The following SYT9 variants were observed in gnomAD, a reference collection of about 807,000 sequenced individuals.
SYT9 encodes synaptotagmin 9, also known as synaptotagmin-9.
SYT9 carries 22 observed loss-of-function variants against 48.4 expected under a neutral mutation model. The observed-to-expected ratio is 0.45, with a 90% CI of 0.32 to 0.65. The LOEUF is 0.65. Ranked by LOEUF, SYT9 falls within the 30% of genes least tolerant of loss-of-function variation. SYT9 has a pLI of 0.03. For synonymous variants in SYT9, 265 were observed against 245.0 expected, an observed-to-expected ratio of 1.08 and a Z score of -0.76; for missense variants, 577 against 622.0, an observed-to-expected ratio of 0.93 and a Z score of 0.77.
chr11:7,456,037 A>C (rs12791627), intron 6 of SYT9, among the ~76,000 whole-genome samples: 1 of 152,182 alleles, frequency 6.6e-6, no homozygotes, highest in East Asian at 1.9e-4. Context: ...ATTTGGAATG[A>C]AGTACTCCCT....
chr11:7,417,754 T>G (rs1847279185), intron 4 of SYT9, among the ~76,000 whole-genome samples: 1 of 152,234 alleles, frequency 6.6e-6, no homozygotes, highest in Admixed American at 6.5e-5. Context: ...GACAGTATCC[T>G]GTGCTTTTTC....
rs1443611021 is a variant in SYT9, at chr11:7,252,463, G to C, written c.145+132G>C. The C allele has an allele frequency of 1.9e-6, 2 of 1,035,090 alleles. No homozygotes were observed. Among genetic ancestry groups the C allele is most frequent in the Non-Finnish European group, 2.5e-6 (2 of 785,406 alleles). 64.1% of individuals were successfully genotyped at this position (1,035,090 alleles called of 1,614,324 possible). The stretch of plus-strand genomic sequence containing the variant: ...GGGGCGGCCACCGAGCCAGGAGAGT[G>C]ATCAAGAACCAGCGCACTGTGGCCT... On this transcript the variant is annotated intron_variant, in intron 1 of 6. Coordinates refer to ENST00000318881, the MANE Select transcript of SYT9 (RefSeq NM_175733.4). This position sits in a 1 kb window ranked among gnomAD's most constrained non-coding sequence, Gnocchi z 6.3.
chr11:7,416,107 C>T lies in SYT9; in HGVS notation c.1110C>T (p.Thr370=). 6.2e-7 allele frequency: 1 copy of T among 1,614,124 alleles called. No individual in the cohort carries two copies. ...ATCTTCCAACGGCTGGCAGGCTGACCATTACCATTATAAAAGCAAGGAATT... is the reference window on the plus strand; with the variant it reads ...ATCTTCCAACGGCTGGCAGGCTGACTATTACCATTATAAAAGCAAGGAATT... ...LCYLPTAGRL[T]ITIIKARNLK... The change falls in exon 4 of 7, where the codon ACC becomes ACT. Residue 370 remains threonine (T), a synonymous_variant. Transcript: ENST00000318881.
At chr11:7,265,191 C>T (rs10839753) in intron 1 of SYT9, among the ~76,000 whole-genome samples, 98,396 of 151,928 alleles carry the variant, frequency 0.65, 32,265 homozygotes, top group South Asian at 0.72. Context: ...AGGTTTACCA[C>T]AGGAAGTCAA....
intron 3 of SYT9, among the ~76,000 whole-genome samples, chr11:7,398,412 CTTTT>C (rs71059106): frequency 7.9e-6 from 1 of 125,832 alleles, no homozygotes. Flanking sequence ...GTTTTCTTTT[CTTTT>C]TTTTTTTTTT....
chr11:7,466,916 A>G lies in SYT9; in HGVS notation c.*116A>G, dbSNP rs1293058758. ...AGACGATTTCAGTGACCAAATGCTC[A>G]GCTGTAACCACAGCACTAACTGGCC... On this transcript the variant is annotated 3_prime_UTR_variant, in exon 7 of 7. Transcript: ENST00000318881. 2 of 1,295,050 alleles carry G rather than the reference A, an allele frequency of 1.5e-6. No homozygotes were observed. Among genetic ancestry groups the G allele is most frequent in the Admixed American group, 1.9e-5 (1 of 51,994 alleles). 80.2% of individuals were successfully genotyped at this position (1,295,050 alleles called of 1,614,324 possible).
intron 3 of SYT9, among the ~76,000 whole-genome samples, chr11:7,393,294 GTT>G (rs56387246): frequency 4.4e-3 from 623 of 141,522 alleles, no homozygotes; most frequent in East Asian, 0.012. Context: ...GTTTGTTGAG[GTT>G]TTTTTTTTTT....
intron 6 of SYT9, among the ~76,000 whole-genome samples, chr11:7,447,611 T>A (rs1283907873): frequency 6.6e-6 from 1 of 152,248 alleles, no homozygotes; most frequent in Non-Finnish European, 1.5e-5. Context: ...TTGTGTTGGT[T>A]TTACTGAATC....
chr11:7,244,780 C>A (rs984685754), intron 1 of SYT9, among the ~76,000 whole-genome samples: 15 of 152,134 alleles, frequency 9.9e-5, no homozygotes, highest in African/African-American at 3.6e-4. Context: ...TCCCAAAGTA[C>A]GGAATCTAGC....
At chr11:7,274,888 C>T (rs781560605) in intron 1 of SYT9, among the ~76,000 whole-genome samples, 3 of 152,138 alleles carry the variant, frequency 2.0e-5, no homozygotes, top group African/African-American at 7.2e-5. Flanking sequence ...CTCATGGCCA[C>T]GTTCCTCAGT....
At chr11:7,432,585 ATATATAC>A (rs1847622843) in intron 6 of SYT9, among the ~76,000 whole-genome samples, 37 of 2,652 alleles carry the variant, frequency 0.014, 5 homozygotes, top group East Asian at 0.021. Context: ...AAAAAAAAAT[ATATATAC>A]ATATATATAT....
intron 1 of SYT9, among the ~76,000 whole-genome samples, chr11:7,286,843 G>T (rs1407966078): frequency 1.3e-5 from 2 of 152,082 alleles, no homozygotes; most frequent in African/African-American, 2.4e-5. Context: ...CCTCAGCCTG[G>T]ACTTCATTGT....
At chr11:7,383,170 G>T (rs1369820611) in intron 3 of SYT9, among the ~76,000 whole-genome samples, 1 of 152,176 alleles carries the variant, frequency 6.6e-6, no homozygotes, top group Non-Finnish European at 1.5e-5. Context: ...TGGACCATCA[G>T]TGTGATTATT....
chr11:7,251,991 G>A lies in SYT9; in HGVS notation c.-196G>A, dbSNP rs1020813725. The A allele has an allele frequency of 1.4e-5, 7 of 502,206 alleles. No individual in the cohort carries two copies. The highest frequency in any genetic ancestry group is 2.3e-5 in the Non-Finnish European group (7 of 306,512). 31.1% of individuals were successfully genotyped at this position (502,206 alleles called of 1,614,324 possible). On this transcript the variant is annotated 5_prime_UTR_variant, in exon 1 of 7. Transcript: ENST00000318881. ...GAGAGAGAGAAAGCCTGACCGACCG[G>A]CTGGCGAAGAGCTGCATGCAACCGG...
chr11:7,265,972 C>T (rs1439592830), intron 1 of SYT9, among the ~76,000 whole-genome samples: 1 of 152,068 alleles, frequency 6.6e-6, no homozygotes, highest in Non-Finnish European at 1.5e-5. Flanking sequence ...AGCCAATATG[C>T]TCACTTCTTG....
intron 5 of SYT9, among the ~76,000 whole-genome samples, chr11:7,420,190 C>G (rs185237581): frequency 1.3e-5 from 2 of 152,244 alleles, no homozygotes; most frequent in Admixed American, 1.3e-4. Flanking sequence ...TCAGATGACT[C>G]CCTCTTTATT....
At chr11:7,465,985 G>A (rs1186729931) in intron 6 of SYT9, 1 of 152,750 alleles carries the variant, frequency 6.5e-6, no homozygotes, top group Non-Finnish European at 1.5e-5. Flanking sequence ...AAGTCTGGGA[G>A]GTACAACTCA....
intron 3 of SYT9, among the ~76,000 whole-genome samples, chr11:7,366,333 T>A (rs1042441294): frequency 1.4e-4 from 21 of 152,340 alleles, no homozygotes; most frequent in African/African-American, 5.0e-4. Flanking sequence ...TGTTGGTGTA[T>A]GTACTTGAGG....
intron 1 of SYT9, among the ~76,000 whole-genome samples, chr11:7,258,753 T>A (rs1412155334): frequency 6.6e-6 from 1 of 152,106 alleles, no homozygotes; most frequent in Non-Finnish European, 1.5e-5. Context: ...AAATAAATGA[T>A]CAATAAATTG....
Sources: gnomAD v4.1 joint callset for allele counts (sites outside exome capture counted in the v4.1 genomes callset) on GRCh38, gnomAD v4.1.1 for gene constraint, Gnocchi (gnomAD v3.1) non-coding constraint, MANE v1.5 for transcripts, NCBI Gene and HGNC (gene_info 2026-07-23, HGNC 2026-07-21) for gene names.